Variants in VPS13B observed in about 807,000 individuals in gnomAD.
The protein encoded by VPS13B is vacuolar protein sorting 13 homolog B.
A neutral mutation model predicts 426.4 loss-of-function variants in VPS13B; 285 were observed. The observed-to-expected ratio is 0.67, with a 90% CI of 0.61 to 0.74. VPS13B has a LOEUF of 0.74. Ranked by LOEUF, VPS13B falls within the 30% of genes least tolerant of loss-of-function variation. VPS13B has a pLI of 0.00. For missense variants in VPS13B, 4,537 were observed against 4,782.6 expected (o/e 0.95, Z 1.51); for synonymous variants, 1,676 against 1,676.4 (o/e 1.00, Z 0.01).
chr8:99,239,247 C>G (rs765392318), intron 17 of VPS13B, among the ~76,000 whole-genome samples: 1 of 152,262 alleles, frequency 6.6e-6, no homozygotes, highest in African/African-American at 2.4e-5. Flanking sequence ...AGGTTCTTCT[C>G]AACAGGTTAT....
At chr8:99,726,607 T>C (rs946511693) in intron 39 of VPS13B, among the ~76,000 whole-genome samples, 4 of 152,192 alleles carry the variant, frequency 2.6e-5, no homozygotes, top group South Asian at 4.1e-4. Context: ...TATGGCAACA[T>C]ATAAATGAAA....
At chr8:99,033,669 G>T (rs1388681333) in intron 2 of VPS13B, among the ~76,000 whole-genome samples, 6 of 152,116 alleles carry the variant, frequency 3.9e-5, no homozygotes, top group Admixed American at 2.0e-4. Context: ...GCTGAGGTGG[G>T]TGGATCACTT....
intron 24 of VPS13B, among the ~76,000 whole-genome samples, chr8:99,480,392 C>A (rs1819974343): frequency 6.6e-6 from 1 of 152,090 alleles, no homozygotes; most frequent in South Asian, 2.1e-4. Context: ...TAAATAAATA[C>A]CCTTAGAAAT....
At chr8:99,497,139 T>G (rs1011738547) in intron 25 of VPS13B, among the ~76,000 whole-genome samples, 2 of 138,486 alleles carry the variant, frequency 1.4e-5, no homozygotes, top group Non-Finnish European at 3.1e-5. Context: ...CATATATAAA[T>G]ATATATATTT....
intron 50 of VPS13B, among the ~76,000 whole-genome samples, chr8:99,823,466 G>A (rs1327581961): frequency 2.6e-5 from 4 of 152,168 alleles, no homozygotes; most frequent in African/African-American, 4.8e-5. Context: ...AGGAGGAGGA[G>A]TGAGGCTGGG....
intron 17 of VPS13B, among the ~76,000 whole-genome samples, chr8:99,251,519 G>GC (rs1817510379): frequency 6.6e-6 from 1 of 152,100 alleles, no homozygotes; most frequent in Non-Finnish European, 1.5e-5. Context: ...ATCTGAGTTG[G>GC]CCATGATGTA....
intron 42 of VPS13B, 79 bp downstream of exon 42, chr8:99,779,110 A>G (rs755030644): frequency 6.8e-6 from 9 of 1,325,268 alleles, no homozygotes; most frequent in African/African-American, 5.8e-5. Flanking sequence ...ACTTCTGATA[A>G]TAAGTTCAAC....
rs563711378 is a variant in VPS13B, at chr8:99,661,008, T to C, written c.5909-346T>C. Among the ~76,000 whole-genome samples the C allele has an allele frequency of 7.2e-5, 11 of 152,278 alleles. No homozygotes were observed. The South Asian group carries it at 2.3e-3, about 32-fold the overall frequency. ...GCTGACAAGATTGTCCTTTTTTCTT[T>C]GTTTTTAATATCACATTTTAAAAAA... On this transcript the variant is annotated intron_variant, in intron 34 of 61. Transcript: ENST00000357162.
intron 3 of VPS13B, among the ~76,000 whole-genome samples, chr8:99,041,227 A>G (rs1842948735): frequency 6.6e-6 from 1 of 152,170 alleles, no homozygotes; most frequent in African/African-American, 2.4e-5. Context: ...GTTGTTAATG[A>G]TTTCCTATTC....
intron 25 of VPS13B, among the ~76,000 whole-genome samples, chr8:99,492,341 G>T (rs1333166262): frequency 6.6e-6 from 1 of 152,204 alleles, no homozygotes; most frequent in African/African-American, 2.4e-5. Flanking sequence ...ACTTGAAGAG[G>T]CAGTCTGTCC....
At chr8:99,385,295 T>G (rs941494673) in intron 20 of VPS13B, among the ~76,000 whole-genome samples, 1 of 152,238 alleles carries the variant, frequency 6.6e-6, no homozygotes, top group Admixed American at 6.5e-5. Context: ...TCGTGCTTTA[T>G]TGAATTATAA....
chr8:99,515,389 GCTGCTT>G (rs1563771145), intron 29 of VPS13B, among the ~76,000 whole-genome samples: 2 of 151,404 alleles, frequency 1.3e-5, no homozygotes, highest in African/African-American at 2.4e-5. Context: ...TGCTGCTGCT[GCTGCTT>G]CTGCTTCCTC....
chr8:99,126,561 T>C (rs1488962816), intron 8 of VPS13B, among the ~76,000 whole-genome samples: 1 of 152,226 alleles, frequency 6.6e-6, no homozygotes, highest in Non-Finnish European at 1.5e-5. Context: ...TCTCTGGATA[T>C]TGAAATCACC....
intron 33 of VPS13B, among the ~76,000 whole-genome samples, chr8:99,590,402 T>C (rs886330821): frequency 6.6e-6 from 1 of 152,208 alleles, no homozygotes; most frequent in African/African-American, 2.4e-5. Context: ...TGCTCTTGCT[T>C]CTCTAATTCT....
At chr8:99,280,809 C>T (rs962579041) in intron 19 of VPS13B, among the ~76,000 whole-genome samples, 1 of 152,182 alleles carries the variant, frequency 6.6e-6, no homozygotes. Flanking sequence ...AATAATATAT[C>T]AGCCTGAAAT....
At chr8:99,676,402 G>A (rs2129934798) in intron 35 of VPS13B, among the ~76,000 whole-genome samples, 1 of 152,200 alleles carries the variant, frequency 6.6e-6, no homozygotes, top group South Asian at 2.1e-4. Flanking sequence ...CACTGGGACA[G>A]GTCAAGAGGC....
Position 99,481,748 on chromosome 8 carries a change from T to A in VPS13B, c.3816T>A (p.Ala1272=), listed in dbSNP as rs1459993478. The A allele has an allele frequency of 6.2e-7, 1 of 1,613,932 alleles. No homozygotes were observed. Among genetic ancestry groups the A allele is most frequent in the Non-Finnish European group, 8.5e-7 (1 of 1,179,866 alleles). The change falls in exon 25 of 62, where the codon GCT becomes GCA. Residue 1272 remains alanine (A), a synonymous_variant. Coordinates refer to ENST00000357162, the MANE Select transcript of VPS13B (RefSeq NM_152564.5). ...TSPVRSSIGT[A]PPDTSTCSPS... The stretch of plus-strand genomic sequence containing the variant: ...CAGTTAGAAGCAGTATAGGCACAGC[T>A]CCTCCAGATACCAGCACATGCAGCC...
At chr8:99,724,819 A>T (rs1419792677) in intron 39 of VPS13B, among the ~76,000 whole-genome samples, 1 of 152,092 alleles carries the variant, frequency 6.6e-6, no homozygotes, top group Non-Finnish European at 1.5e-5. Context: ...GAACAAATAG[A>T]TTGTATAATT....
chr8:99,195,664 T>C (rs1813874828), intron 17 of VPS13B, among the ~76,000 whole-genome samples: 1 of 152,198 alleles, frequency 6.6e-6, no homozygotes. Flanking sequence ...GCTTTGTCCA[T>C]AAGTTTCTTC....
Sources: allele counts gnomAD v4.1 joint callset (sites outside exome capture counted in the v4.1 genomes callset), GRCh38; gene constraint gnomAD v4.1.1; transcripts MANE v1.5; gene names NCBI Gene and HGNC (gene_info 2026-07-23, HGNC 2026-07-21).